RPGR: variants seen among roughly 807,000 people sequenced by gnomAD.
The protein encoded by RPGR is X-linked retinitis pigmentosa GTPase regulator.
RPGR carries 10 observed loss-of-function variants against 56.3 expected under a neutral mutation model. The ratio of observed to expected loss-of-function variants is 0.18; its 90% CI spans 0.11 to 0.30. The LOEUF is 0.30. Ranked by LOEUF, RPGR falls within the 10% of genes least tolerant of loss-of-function variation. The pLI is 1.00. For synonymous variants in RPGR, 197 were observed against 212.9 expected (o/e 0.93, Z 0.65); for missense variants, 538 against 590.9 (o/e 0.91, Z 0.93).
intron 9 of RPGR, among the ~76,000 whole-genome samples, chrX:38,299,895 A>G (rs2067470708): frequency 9.0e-6 from 1 of 111,507 alleles, no homozygotes; most frequent in Non-Finnish European, 1.9e-5. Flanking sequence ...TAAGTCCTCA[A>G]TGAATGAGGT....
At chrX:38,320,956 A>C (rs2067927457) in intron 4 of RPGR, 71 bp downstream of exon 4, 2 of 823,070 alleles carry the variant, frequency 2.4e-6, no homozygotes, top group Non-Finnish European at 3.7e-6. Flanking sequence ...TAATTTTACA[A>C]AGCCACGTTA....
chrX:38,275,487 C>A lies in RPGR; in HGVS notation c.2092-341G>T, dbSNP rs774357826. Among the ~76,000 whole-genome samples the A allele has an allele frequency of 1.1e-4, 12 of 111,983 alleles. No homozygotes were observed. The East Asian group carries it at 3.4e-3, about 31-fold the overall frequency. ...TTTCTATGTTAAATAATCTTAAGGA[C>A]CACCCTAACCTGAATTCATAAATGT... On this transcript the variant is annotated intron_variant, in intron 16 of 18. Coordinates refer to ENST00000642395, the MANE Select transcript of RPGR (RefSeq NM_000328.3).
At chrX:38,300,877 TGA>T (rs1000894314) in intron 9 of RPGR, among the ~76,000 whole-genome samples, 1 of 112,179 alleles carries the variant, frequency 8.9e-6, no homozygotes, top group African/African-American at 3.2e-5. Context: ...GTGCAGGATT[TGA>T]GAGTCTAACA....
At position 38,321,060 on chromosome X, in the gene RPGR, C is replaced by A. The variant is rs1297637323; in HGVS notation, c.277G>T (p.Ala93Ser). 1 of 1,204,125 alleles carries A rather than the reference C, an allele frequency of 8.3e-7. No individual in the cohort carries two copies. Among genetic ancestry groups the A allele is most frequent in the East Asian group, 3.0e-5 (1 of 33,829 alleles). The change falls in exon 4 of 19, where the codon GCC becomes TCC. Residue 93 changes from alanine to serine, a missense_variant. Ala to Ser is a moderately conservative substitution (Grantham distance 99, BLOSUM62 1). This residue lies in a region of RPGR where 181 missense variants were observed against 265.1 expected (regional missense o/e 0.68). Transcript: ENST00000642395. ...ACCAGGGTGTGGTTCCTTCCACAGG[C>A]AGCTAATTTCACTTTTTCAGGTTTT...
intron 3 of RPGR, 86 bp from the exon 4 acceptor site, chrX:38,321,175 C>T (rs2067932845): frequency 4.3e-6 from 3 of 702,799 alleles, no homozygotes; most frequent in Non-Finnish European, 6.7e-6. Context: ...GTGATAGAAC[C>T]GAGATTTAAT....
intron 6 of RPGR, 66 bp downstream of exon 6, chrX:38,317,250 T>G (rs2067842851): frequency 1.9e-6 from 2 of 1,029,610 alleles, no homozygotes; most frequent in Non-Finnish European, 2.7e-6. Flanking sequence ...ACTATATCAT[T>G]TCATTATTAA....
intron 17 of RPGR, among the ~76,000 whole-genome samples, chrX:38,274,219 T>C (rs1046754889): frequency 4.5e-5 from 5 of 112,213 alleles, no homozygotes; most frequent in Admixed American, 3.8e-4. Flanking sequence ...GTCTAGATTA[T>C]GTAGATCTCA....
chrX:38,299,957 C>CT (rs1468332068), intron 9 of RPGR, among the ~76,000 whole-genome samples: 3 of 107,577 alleles, frequency 2.8e-5, no homozygotes, highest in Admixed American at 9.9e-5. Context: ...TCTTTTTTTT[C>CT]TTTTTTTTTG....
At chrX:38,274,526 T>A (rs1355788302) in intron 17 of RPGR, among the ~76,000 whole-genome samples, 1 of 112,416 alleles carries the variant, frequency 8.9e-6, no homozygotes, top group African/African-American at 3.2e-5. Context: ...TTAAATTCCT[T>A]AACACCAGCC....
intron 6 of RPGR, among the ~76,000 whole-genome samples, chrX:38,313,569 G>A (rs1361927571): frequency 1.8e-5 from 2 of 112,178 alleles, no homozygotes; most frequent in Non-Finnish European, 3.8e-5. Context: ...TCTTCCTCTT[G>A]TATATGGAGA....
intron 4 of RPGR, among the ~76,000 whole-genome samples, chrX:38,319,724 A>G (rs1300653726): frequency 3.6e-5 from 4 of 111,800 alleles, no homozygotes; most frequent in African/African-American, 1.3e-4. Context: ...AAGTATGTAA[A>G]AATGTTTGTT....
At chrX:38,288,442 C>T (rs1167022513) in intron 13 of RPGR, among the ~76,000 whole-genome samples, 1 of 111,997 alleles carries the variant, frequency 8.9e-6, no homozygotes, top group Non-Finnish European at 1.9e-5. Context: ...CAGTGGCTCA[C>T]ACCTGTAATC....
chrX:38,291,129 TTA>T (rs1168785516), intron 12 of RPGR, 105 bp from the exon 13 acceptor site: 764 of 153,102 alleles, frequency 5.0e-3, no homozygotes, highest in Middle Eastern at 0.019. Context: ...ATATATTTTT[TTA>T]TATATATATA....
At chrX:38,315,364 A>C (rs2067799876) in intron 6 of RPGR, among the ~76,000 whole-genome samples, 1 of 111,788 alleles carries the variant, frequency 8.9e-6, no homozygotes, top group African/African-American at 3.3e-5. Flanking sequence ...ACTTATGCAC[A>C]ATAGAGTACT....
chrX:38,270,141 T>A (rs940171806), intron 18 of RPGR, among the ~76,000 whole-genome samples: 2 of 111,172 alleles, frequency 1.8e-5, no homozygotes, highest in Non-Finnish European at 1.9e-5. Context: ...AGAGAAAAAA[T>A]ATATAAAAAC....
At position 38,286,807 on chromosome X, in the gene RPGR, C is replaced by G. The variant is rs1454265991; in HGVS notation, c.1905+287G>C. The stretch of plus-strand genomic sequence containing the variant: ...TTCTCCTTCTCCATGCTCCTCCTCC[C>G]CTCCCTCCTCCATCTCTTGGTTTCT... On this transcript the variant is annotated intron_variant, in intron 15 of 18. Coordinates refer to ENST00000642395, the MANE Select transcript of RPGR (RefSeq NM_000328.3). 1.7e-6 allele frequency: 2 copies of G among 1,165,946 alleles called. No individual in the cohort carries two copies. Among genetic ancestry groups the G allele is most frequent in the Middle Eastern group, 2.4e-4 (1 of 4,111 alleles).
At chrX:38,291,596 A>G (rs1038700009) in intron 11 of RPGR, 112 bp from the exon 12 acceptor site, 2 of 469,517 alleles carry the variant, frequency 4.3e-6, no homozygotes, top group Non-Finnish European at 7.5e-6. Flanking sequence ...TAATTTTACT[A>G]AAAGTCCTTT....
intron 15 of RPGR, chrX:38,286,216 C>T: frequency 2.0e-6 from 1 of 502,527 alleles, no homozygotes; most frequent in Non-Finnish European, 2.6e-6. Context: ...CTCCCCTTCT[C>T]CTTCCTCTCC....
intron 6 of RPGR, among the ~76,000 whole-genome samples, chrX:38,313,060 AT>A (rs1172657748): frequency 9.0e-6 from 1 of 111,365 alleles, no homozygotes; most frequent in African/African-American, 3.3e-5. Flanking sequence ...CTATGCAATA[AT>A]CTCCAAATAC....
Sources: gnomAD v4.1 joint callset for allele counts (sites outside exome capture counted in the v4.1 genomes callset) on GRCh38, gnomAD v4.1.1 for gene constraint, gnomAD v4.1.1 regional missense constraint, MANE v1.5 for transcripts, NCBI Gene and HGNC (gene_info 2026-07-23, HGNC 2026-07-21) for gene names.